Variants in SMAD1 observed in about 807,000 individuals in gnomAD.
SMAD1 encodes the protein SMAD family member 1.
A neutral mutation model predicts 41.6 loss-of-function variants in SMAD1; 6 were observed. The observed-to-expected ratio is 0.14, with a 90% confidence interval of 0.08 to 0.28. SMAD1 has a LOEUF of 0.28. Ranked by LOEUF, SMAD1 falls within the 10% of genes least tolerant of loss-of-function variation. SMAD1 has a pLI of 1.00. For synonymous variants in SMAD1, 206 were observed against 203.2 expected, an observed-to-expected ratio of 1.01 and a Z score of -0.12; for missense variants, 379 against 582.6, an observed-to-expected ratio of 0.65 and a Z score of 3.60.
Position 145,514,820 on chromosome 4 carries a change from C to A in SMAD1, c.207C>A (p.Arg69=). The A allele has an allele frequency of 6.2e-7, 1 of 1,614,154 alleles. No homozygotes were observed. Among genetic ancestry groups the A allele is most frequent in the South Asian group, 1.1e-5 (1 of 91,074 alleles). ...CGAGTAACTGTGTCACCATTCCCCG[C>A]TCTCTGGATGGCAGGCTGCAAGTCT... ...GQPSNCVTIP[R]SLDGRLQVSH... Residue 69 remains arginine (R), a synonymous_variant, in exon 2 of 7, where the codon CGC becomes CGA. Transcript: ENST00000302085. The surrounding 1 kb of genome is among the most constrained non-coding windows in gnomAD (Gnocchi z 4.7).
intron 4 of SMAD1, chr4:145,544,177 T>C (rs1186945499): frequency 1.3e-5 from 2 of 149,942 alleles, no homozygotes; most frequent in East Asian, 2.0e-4. Flanking sequence ...GGGATATTAA[T>C]AATGAGGGAG....
At chr4:145,523,711 G>C (rs1351134804) in intron 2 of SMAD1, among the ~76,000 whole-genome samples, 1 of 152,102 alleles carries the variant, frequency 6.6e-6, no homozygotes, top group Non-Finnish European at 1.5e-5. Context: ...TAAGAGTTAG[G>C]AGATACAAAT....
intron 5 of SMAD1, among the ~76,000 whole-genome samples, chr4:145,549,292 A>G (rs574664467): frequency 1.3e-5 from 2 of 152,346 alleles, no homozygotes; most frequent in South Asian, 4.1e-4. Context: ...TGTTAAATGT[A>G]TTAGCATTGC....
intron 2 of SMAD1, among the ~76,000 whole-genome samples, chr4:145,515,693 C>CAA (rs374859428): frequency 2.6e-4 from 40 of 152,252 alleles, no homozygotes; most frequent in African/African-American, 8.7e-4. Flanking sequence ...GTTTTGCCCT[C>CAA]AAGTTAGAAT....
chr4:145,528,707 A>G (rs1184945756), intron 2 of SMAD1, among the ~76,000 whole-genome samples: 2 of 152,232 alleles, frequency 1.3e-5, no homozygotes, highest in Non-Finnish European at 2.9e-5. Context: ...ATCGTGCAAT[A>G]GATGAATAGA....
chr4:145,555,037 C>G (rs1732762741), intron 6 of SMAD1, among the ~76,000 whole-genome samples: 1 of 152,094 alleles, frequency 6.6e-6, no homozygotes, highest in South Asian at 2.1e-4. Context: ...TTATTTAAAG[C>G]ATCTTAGATT....
At chr4:145,490,662 T>C (rs1476959511) in intron 1 of SMAD1, among the ~76,000 whole-genome samples, 2 of 152,186 alleles carry the variant, frequency 1.3e-5, no homozygotes, top group Non-Finnish European at 2.9e-5. Flanking sequence ...CCTGATGAAC[T>C]AAATGAATTG....
chr4:145,530,033 T>C (rs1322418634), intron 2 of SMAD1, among the ~76,000 whole-genome samples: 1 of 152,190 alleles, frequency 6.6e-6, no homozygotes, highest in Admixed American at 6.5e-5. Context: ...CAATACAATT[T>C]ACAAACATAT....
In SMAD1 at chr4:145,540,863, G is replaced by A. The variant is rs1731889584; in HGVS notation, c.658+802G>A. ...AAATGACTGGGCAAGTGTGTTTATT[G>A]GGCTGCTTGAAATGTTTTTAAGTAA... On this transcript the variant is annotated intron_variant, in intron 3 of 6. Coordinates refer to ENST00000302085, the MANE Select transcript of SMAD1 (RefSeq NM_005900.3). 2.0e-5 allele frequency among the ~76,000 whole-genome samples: 3 copies of A among 152,130 alleles called. No homozygotes were observed. The South Asian group carries it at 6.2e-4, about 32-fold the overall frequency.
Position 145,514,787 on chromosome 4 carries a change from A to G in SMAD1, c.174A>G (p.Pro58=). Residue 58 remains proline (P), a synonymous_variant, in exon 2 of 7, where the codon CCA becomes CCG. Coordinates refer to ENST00000302085, the MANE Select transcript of SMAD1 (RefSeq NM_005900.3). This position sits in a 1 kb window ranked among gnomAD's most constrained non-coding sequence, Gnocchi z 4.7. ...MEELEKALSC[P]GQPSNCVTIP... Reference sequence around the variant, plus strand: ...AACTGGAAAAGGCCTTGAGCTGCCCAGGGCAACCGAGTAACTGTGTCACCA... The same window carrying G: ...AACTGGAAAAGGCCTTGAGCTGCCCGGGGCAACCGAGTAACTGTGTCACCA... 1 of 1,614,172 alleles carries G rather than the reference A, an allele frequency of 6.2e-7. No homozygotes were observed. Among genetic ancestry groups the G allele is most frequent in the Admixed American group, 1.7e-5 (1 of 60,028 alleles).
intron 1 of SMAD1, among the ~76,000 whole-genome samples, chr4:145,495,116 G>T (rs114012317): frequency 6.6e-6 from 1 of 152,112 alleles, no homozygotes; most frequent in African/African-American, 2.4e-5. Flanking sequence ...TGGTTGTCAC[G>T]AATTGGAGGG....
At chr4:145,541,559 TC>T (rs1167264182) in intron 3 of SMAD1, among the ~76,000 whole-genome samples, 1 of 152,150 alleles carries the variant, frequency 6.6e-6, no homozygotes, top group Non-Finnish European at 1.5e-5. Flanking sequence ...CCAGAGAAGG[TC>T]CCAGTAGTCC....
chr4:145,551,280 G>A (rs1011646168), intron 5 of SMAD1, among the ~76,000 whole-genome samples: 6 of 152,178 alleles, frequency 3.9e-5, no homozygotes, highest in African/African-American at 9.7e-5. Context: ...CCAAGTTAGC[G>A]TTTGGGTGAG....
upstream of SMAD1, chr4:145,481,292 T>G (rs1346135536): frequency 6.6e-6 from 1 of 152,068 alleles, no homozygotes; most frequent in African/African-American, 2.4e-5. Context: ...ACGTGCAGTA[T>G]TTACTAGGCT....
chr4:145,498,243 G>A (rs1050046053), intron 1 of SMAD1, among the ~76,000 whole-genome samples: 1 of 152,112 alleles, frequency 6.6e-6, no homozygotes. Context: ...GCTATAATAT[G>A]CCATTTTTTG....
At chr4:145,497,682 T>C (rs1729168677) in intron 1 of SMAD1, 1 of 152,188 alleles carries the variant, frequency 6.6e-6, no homozygotes, top group Non-Finnish European at 1.5e-5. Flanking sequence ...TTAGGGAAGT[T>C]AGCAGATAAG....
At chr4:145,523,561 A>G (rs938864507) in intron 2 of SMAD1, among the ~76,000 whole-genome samples, 2 of 152,168 alleles carry the variant, frequency 1.3e-5, no homozygotes, top group African/African-American at 4.8e-5. Context: ...CAAATATACT[A>G]TGTATATTTG....
At chr4:145,552,103 C>A (rs1416118159) in intron 5 of SMAD1, among the ~76,000 whole-genome samples, 1 of 152,152 alleles carries the variant, frequency 6.6e-6, no homozygotes, top group African/African-American at 2.4e-5. Flanking sequence ...GCCTCTGAGT[C>A]ACTAAAAGAG....
intron 2 of SMAD1, among the ~76,000 whole-genome samples, chr4:145,528,798 A>G (rs1040502404): frequency 6.6e-6 from 1 of 152,198 alleles, no homozygotes; most frequent in African/African-American, 2.4e-5. Flanking sequence ...AACTTGTGCA[A>G]CGTTGAGAGA....
Sources: allele counts gnomAD v4.1 joint callset (sites outside exome capture counted in the v4.1 genomes callset), GRCh38; gene constraint gnomAD v4.1.1; non-coding constraint Gnocchi (gnomAD v3.1); transcripts MANE v1.5; gene names NCBI Gene and HGNC (gene_info 2026-07-23, HGNC 2026-07-21).